TMEM267: variants seen among roughly 807,000 people sequenced by gnomAD.
The protein encoded by TMEM267 is transmembrane protein 267.
Under a neutral mutation model 19.3 loss-of-function variants are expected in TMEM267, and 20 were observed. That is an observed-to-expected ratio of 1.04 (90% CI 0.73 to 1.51). The LOEUF is 1.51. Among genes scored for constraint, TMEM267 ranks in the 40% most tolerant of loss-of-function variants. The probability of loss-of-function intolerance (pLI) is 0.00; values close to 1 mark genes in which losing one functional copy is unlikely to be tolerated. For missense variants in TMEM267, 242 were observed against 261.9 expected (o/e 0.92, Z 0.52); for synonymous variants, 88 against 90.3 (o/e 0.97, Z 0.15).
At chr5:43,476,613 A>G (rs1744446353) in intron 1 of TMEM267, among the ~76,000 whole-genome samples, 2 of 147,544 alleles carry the variant, frequency 1.4e-5, no homozygotes, top group South Asian at 4.2e-4. Context: ...AATCAAAATC[A>G]TAAAGGGATT....
chr5:43,482,267 G>T (rs1199125267), intron 1 of TMEM267, among the ~76,000 whole-genome samples: 2 of 151,162 alleles, frequency 1.3e-5, no homozygotes, highest in African/African-American at 4.8e-5. Context: ...CACATTTCTG[G>T]CATCTATTCT....
intron 1 of TMEM267, among the ~76,000 whole-genome samples, chr5:43,474,726 TC>T (rs1744307760): frequency 7.8e-6 from 1 of 128,468 alleles, no homozygotes; most frequent in Admixed American, 9.4e-5. Flanking sequence ...GCCATTGCAC[TC>T]CAGCCCGGGC....
At chr5:43,463,275 T>C (rs1207200807) in intron 1 of TMEM267, among the ~76,000 whole-genome samples, 2 of 152,048 alleles carry the variant, frequency 1.3e-5, no homozygotes, top group Non-Finnish European at 2.9e-5. Flanking sequence ...AATAACAGGC[T>C]CTGAAATTGT....
chr5:43,457,834 T>C (rs1250625049), intron 1 of TMEM267, among the ~76,000 whole-genome samples: 1 of 152,238 alleles, frequency 6.6e-6, no homozygotes, highest in African/African-American at 2.4e-5. Context: ...ATAGATGTAC[T>C]GTAGTTCATT....
chr5:43,479,490 T>TA (rs1744625583), intron 1 of TMEM267, among the ~76,000 whole-genome samples: 1 of 112,400 alleles, frequency 8.9e-6, no homozygotes, highest in Non-Finnish European at 1.9e-5. Context: ...AGTGTAATTT[T>TA]AAAAAGGTAA....
At chr5:43,448,784 ACC>A (rs3030116) in intron 2 of TMEM267, among the ~76,000 whole-genome samples, 1 of 143,454 alleles carries the variant, frequency 7.0e-6, no homozygotes, top group South Asian at 2.2e-4. Flanking sequence ...CTAAAAAACA[ACC>A]CCCCCCCACA....
chr5:43,455,685 T>C (rs1232155983), intron 1 of TMEM267, among the ~76,000 whole-genome samples: 4 of 152,056 alleles, frequency 2.6e-5, no homozygotes, highest in South Asian at 2.1e-4. Context: ...GTAGCTGGGA[T>C]TACAGGTGCC....
At chr5:43,455,009 C>T (rs1436668378) in intron 1 of TMEM267, among the ~76,000 whole-genome samples, 1 of 152,136 alleles carries the variant, frequency 6.6e-6, no homozygotes, top group Non-Finnish European at 1.5e-5. Flanking sequence ...ACAATAAAAG[C>T]TATACATAGC....
At chr5:43,447,589 A>T (rs559935446) in intron 2 of TMEM267, among the ~76,000 whole-genome samples, 2 of 152,322 alleles carry the variant, frequency 1.3e-5, no homozygotes, top group South Asian at 4.1e-4. Flanking sequence ...ATCTCTGCAC[A>T]TATCCTCTAA....
rs536534573 is a variant in TMEM267 at position 43,446,053 on chromosome 5, A to G, written c.*169T>C. ...AGAAGAGAGAAGTAGAATAATAACAAGTATAATTTTTAAAAAAGTTGTATA... is the reference window on the plus strand; with the variant it reads ...AGAAGAGAGAAGTAGAATAATAACAGGTATAATTTTTAAAAAAGTTGTATA... On this transcript the variant is annotated 3_prime_UTR_variant, in exon 3 of 3. Coordinates refer to ENST00000397080, the MANE Select transcript of TMEM267 (RefSeq NM_022483.5). 4.0e-5 allele frequency: 19 copies of G among 469,138 alleles called. No homozygotes were observed. In the East Asian group the frequency reaches 6.4e-4, roughly 16 times the overall value. The allele number at this position is 469,138 out of a possible 1,614,324, so 29.1% of individuals were successfully genotyped here. A position where few individuals can be genotyped will look rare whatever the true frequency, so the allele number is the denominator to read the frequency against.
chr5:43,465,155 C>G (rs1297457773), intron 1 of TMEM267, among the ~76,000 whole-genome samples: 1 of 152,178 alleles, frequency 6.6e-6, no homozygotes, highest in Non-Finnish European at 1.5e-5. Context: ...AGGATATGAA[C>G]AGACCCTTCT....
chr5:43,459,756 C>T (rs1743148625), intron 1 of TMEM267, among the ~76,000 whole-genome samples: 1 of 152,064 alleles, frequency 6.6e-6, no homozygotes, highest in African/African-American at 2.4e-5. Flanking sequence ...AATTTTATTT[C>T]ATACTCAGGT....
rs554836109 is a variant in TMEM267, at chr5:43,450,704, C to T, written c.312+2954G>A. Among the ~76,000 whole-genome samples, 189 of 152,154 alleles carry T rather than the reference C, an allele frequency of 1.2e-3. 1 individual carries two copies. Among genetic ancestry groups the T allele is most frequent in the Non-Finnish European group, 1.0e-3 (70 of 68,032 alleles). On this transcript the variant is annotated intron_variant, in intron 2 of 2. Coordinates refer to ENST00000397080, the MANE Select transcript of TMEM267 (RefSeq NM_022483.5). ...TTCTAAGTGAATTAAAGGATAAATA[C>T]GTTATGCAGCCTAAATGCTTTTAAA...
rs781177999 is a variant in TMEM267, at chr5:43,454,007, G to A, written c.-38C>T. 1.3e-6 allele frequency: 2 copies of A among 1,592,504 alleles called. No individual in the cohort carries two copies. Among genetic ancestry groups the A allele is most frequent in the Non-Finnish European group, 1.7e-6 (2 of 1,168,710 alleles). On this transcript the variant is annotated 5_prime_UTR_variant, in exon 2 of 3. Coordinates refer to ENST00000397080, the MANE Select transcript of TMEM267 (RefSeq NM_022483.5). ...GTTAGTATAGACTAAAAGCCATCAG[G>A]AATGAACAGTCTATTCTTGTTTACA...
chr5:43,470,623 T>C (rs1450790775), intron 1 of TMEM267, among the ~76,000 whole-genome samples: 1 of 152,320 alleles, frequency 6.6e-6, no homozygotes, highest in East Asian at 1.9e-4. Context: ...TCAGATATTT[T>C]ATGTTCACAA....
At chr5:43,462,186 G>A (rs1244802600) in intron 1 of TMEM267, among the ~76,000 whole-genome samples, 1 of 152,194 alleles carries the variant, frequency 6.6e-6, no homozygotes, top group Non-Finnish European at 1.5e-5. Context: ...GACCATCAAG[G>A]CGGTACCTCT....
intron 1 of TMEM267, among the ~76,000 whole-genome samples, chr5:43,462,484 C>G (rs1015986062): frequency 6.6e-6 from 1 of 152,086 alleles, no homozygotes; most frequent in Non-Finnish European, 1.5e-5. Flanking sequence ...TGTGACTTTT[C>G]AGACAGAGAA....
chr5:43,449,145 G>T (rs1273325246), intron 2 of TMEM267, among the ~76,000 whole-genome samples: 1 of 152,030 alleles, frequency 6.6e-6, no homozygotes. Flanking sequence ...GGTGGTGCAT[G>T]CCTGCTATTC....
At chr5:43,457,662 G>A (rs1473684371) in intron 1 of TMEM267, among the ~76,000 whole-genome samples, 1 of 151,680 alleles carries the variant, frequency 6.6e-6, no homozygotes, top group Non-Finnish European at 1.5e-5. Context: ...CCAACACTGG[G>A]GATTACAATT....
Sources: allele counts gnomAD v4.1 joint callset (sites outside exome capture counted in the v4.1 genomes callset), GRCh38; gene constraint gnomAD v4.1.1; transcripts MANE v1.5; gene names NCBI Gene and HGNC (gene_info 2026-07-23, HGNC 2026-07-21).